The following AGPAT1 variants were observed in gnomAD, a reference collection of about 807,000 sequenced individuals.
AGPAT1 encodes 1-acyl-sn-glycerol-3-phosphate acyltransferase alpha.
AGPAT1 carries 6 observed loss-of-function variants against 31.2 expected under a neutral mutation model. The observed-to-expected ratio is 0.19, with a 90% CI of 0.11 to 0.38. AGPAT1 has a LOEUF of 0.38. Among genes scored for constraint, AGPAT1 ranks in the 10% least tolerant of loss-of-function variants. The pLI, the probability that AGPAT1 is intolerant of heterozygous loss-of-function variation, is 1.00. For synonymous variants in AGPAT1, 139 were observed against 154.0 expected, an observed-to-expected ratio of 0.90 and a Z score of 0.72; for missense variants, 187 against 377.8, an observed-to-expected ratio of 0.49 and a Z score of 4.19.
Position 32,170,934 on chromosome 6 carries a change from C to T in AGPAT1, c.334+3G>A, listed in dbSNP as rs753729125. The T allele has an allele frequency of 6.2e-7, 1 of 1,609,672 alleles. No individual in the cohort carries two copies. Among genetic ancestry groups the T allele is most frequent in the Non-Finnish European group, 8.5e-7 (1 of 1,177,876 alleles). ...GGAGGTGTGCCCTGTGGTGGGGTCTCACCAAGCAGATCGAGAGAGCTCTGG... is the reference window on the plus strand; with the variant it reads ...GGAGGTGTGCCCTGTGGTGGGGTCTTACCAAGCAGATCGAGAGAGCTCTGG... On this transcript the variant is annotated splice_donor_region_variant and intron_variant, in intron 3 of 6. Coordinates refer to ENST00000375107, the MANE Select transcript of AGPAT1 (RefSeq NM_006411.4). This position sits in a 1 kb window ranked among gnomAD's most constrained non-coding sequence, Gnocchi z 7.7.
Position 32,174,234 on chromosome 6 carries a change from T to C in AGPAT1, c.-10+1580A>G, listed in dbSNP as rs1785337033. Among the ~76,000 whole-genome samples the C allele has an allele frequency of 6.6e-6, 1 of 152,200 alleles. No individual in the cohort carries two copies. Among genetic ancestry groups the C allele is most frequent in the African/African-American group, 2.4e-5 (1 of 41,452 alleles). On this transcript the variant is annotated intron_variant, in intron 1 of 6. Transcript: ENST00000375107. The surrounding 1 kb of genome is among the most constrained non-coding windows in gnomAD (Gnocchi z 4.5). ...TTGCTGAACAGATTCTAAGGCTGTA[T>C]ACCCACCCATAGAGCCACAGTTAAT...
At position 32,169,216 on chromosome 6, in the gene AGPAT1, G is replaced by A; in HGVS notation, c.*60C>T. 5.1e-6 allele frequency: 8 copies of A among 1,569,438 alleles called. No individual in the cohort carries two copies. The highest frequency in any genetic ancestry group is 7.0e-6 in the Non-Finnish European group (8 of 1,147,816). ...GTTTGGCCCTGCTTCAGGGCCCACT[G>A]GGTGGGTAGGTGTGGGGAGGAAGAT... On this transcript the variant is annotated 3_prime_UTR_variant, in exon 7 of 7. Coordinates refer to ENST00000375107, the MANE Select transcript of AGPAT1 (RefSeq NM_006411.4). The surrounding 1 kb of genome is among the most constrained non-coding windows in gnomAD (Gnocchi z 5.9).
In AGPAT1 at chr6:32,169,160, A is replaced by G. The variant is rs1157041822; in HGVS notation, c.*116T>C. On this transcript the variant is annotated 3_prime_UTR_variant, in exon 7 of 7. Transcript: ENST00000375107. The surrounding 1 kb of genome is among the most constrained non-coding windows in gnomAD (Gnocchi z 5.9). ...GAAGTTGAAGATTCCAAAGAGGAGA[A>G]TAAGTGGGGAGAGGGGAGACAAGGA... The G allele has an allele frequency of 1.3e-5, 14 of 1,111,808 alleles. No individual in the cohort carries two copies. The East Asian group carries it at 2.5e-4, about 19-fold the overall frequency. 68.9% of individuals were successfully genotyped at this position (1,111,808 alleles called of 1,614,324 possible).
rs749150815 is a variant in AGPAT1, at chr6:32,170,059, G to A, written c.607-21C>T. 5 of 1,612,592 alleles carry A rather than the reference G, an allele frequency of 3.1e-6. No individual in the cohort carries two copies. In the African/African-American group the frequency reaches 5.3e-5, roughly 17 times the overall value. On this transcript the variant is annotated intron_variant, in intron 5 of 6. Coordinates refer to ENST00000375107, the MANE Select transcript of AGPAT1 (RefSeq NM_006411.4). The surrounding 1 kb of genome is among the most constrained non-coding windows in gnomAD (Gnocchi z 7.7). ...GGAACCTGGGGAAGGGTTAAAGCAGGTCAGTCCACAGCTCTCTTCAGAGAC... is the reference window on the plus strand; with the variant it reads ...GGAACCTGGGGAAGGGTTAAAGCAGATCAGTCCACAGCTCTCTTCAGAGAC...
rs1394807216 is a variant in AGPAT1, at chr6:32,173,749, G to A, written c.-10+2065C>T. ...CTCACACAGCTCAGTGTCACCTTTT[G>A]GAGGGCTGCCTGAACCCCTCCAGGC... On this transcript the variant is annotated intron_variant, in intron 1 of 6. Coordinates refer to ENST00000375107, the MANE Select transcript of AGPAT1 (RefSeq NM_006411.4). This position sits in a 1 kb window ranked among gnomAD's most constrained non-coding sequence, Gnocchi z 4.7. Among the ~76,000 whole-genome samples, 2 of 152,090 alleles carry A rather than the reference G, an allele frequency of 1.3e-5. No individual in the cohort carries two copies. Among genetic ancestry groups the A allele is most frequent in the African/African-American group, 4.8e-5 (2 of 41,418 alleles).
chr6:32,176,554 G>GACTCCATCTC (rs941676609), upstream of AGPAT1: 5 of 986,122 alleles, frequency 5.1e-6, no homozygotes, highest in Non-Finnish European at 6.0e-6. Flanking sequence ...TTCTCTCCAG[G>GACTCCATCTC]ACTCCATCTC....
Position 32,171,146 on chromosome 6 carries a change from T to A in AGPAT1, c.201-76A>T. On this transcript the variant is annotated intron_variant, in intron 2 of 6. Transcript: ENST00000375107. This position sits in a 1 kb window ranked among gnomAD's most constrained non-coding sequence, Gnocchi z 6.9. ...CATGCCTCAGCTCCCCCCACCTTAC[T>A]GTCTTTCTGACCACCTTTGCAGTCC... 6.3e-7 allele frequency: 1 copy of A among 1,588,966 alleles called. No homozygotes were observed. Among genetic ancestry groups the A allele is most frequent in the Non-Finnish European group, 8.6e-7 (1 of 1,164,754 alleles).
At chr6:32,176,088 C>G (rs964880937), upstream of AGPAT1, 1 of 979,270 alleles carries the variant, frequency 1.0e-6, no homozygotes, top group Non-Finnish European at 1.2e-6. Context: ...CGCCGCTATT[C>G]CCCCGCCACC....
upstream of AGPAT1, chr6:32,177,462 A>T (rs980268145): frequency 5.1e-6 from 1 of 196,786 alleles, no homozygotes. Context: ...TTTAAAACGG[A>T]GTTGAAGTCA....
rs1460736526 is a variant in AGPAT1, at chr6:32,176,012, GGGC to G, written c.-211_-209del. 1 of 985,174 alleles carries G rather than the reference GGGC, an allele frequency of 1.0e-6. No homozygotes were observed. The highest frequency in any genetic ancestry group is 1.1e-4 in the East Asian group (1 of 8,760). 61.0% of individuals were successfully genotyped at this position (985,174 alleles called of 1,614,324 possible). A position where few individuals can be genotyped will look rare whatever the true frequency, so the allele number is the denominator to read the frequency against. The stretch of plus-strand genomic sequence containing the variant: ...GGCCCATAGCGGTAGGAATGGTGGG[GGGC>G]TGTCCCCCCAGCACCCTCCCTCCCT... On this transcript the variant is annotated 5_prime_UTR_variant, in exon 1 of 7. Coordinates refer to ENST00000375107, the MANE Select transcript of AGPAT1 (RefSeq NM_006411.4).
Position 32,169,508 on chromosome 6 carries a change from C to A in AGPAT1, c.680-60G>T, listed in dbSNP as rs903121819. On this transcript the variant is annotated intron_variant, in intron 6 of 6. Transcript: ENST00000375107. The surrounding 1 kb of genome is among the most constrained non-coding windows in gnomAD (Gnocchi z 5.9). ...CCCAGGTCTTTGCCCACAGGTGGGGCCCAGCTTCCGAGTGATACTCTTCCT... is the reference window on the plus strand; with the variant it reads ...CCCAGGTCTTTGCCCACAGGTGGGGACCAGCTTCCGAGTGATACTCTTCCT... 1.5e-5 allele frequency: 23 copies of A among 1,581,236 alleles called. No homozygotes were observed. The highest frequency in any genetic ancestry group is 2.0e-5 in the Non-Finnish European group (23 of 1,158,564).
Position 32,174,011 on chromosome 6 carries a change from T to G in AGPAT1, c.-10+1803A>C, listed in dbSNP as rs558260086. 6.6e-6 allele frequency among the ~76,000 whole-genome samples: 1 copy of G among 152,288 alleles called. No homozygotes were observed. Among genetic ancestry groups the G allele is most frequent in the African/African-American group, 2.4e-5 (1 of 41,564 alleles). ...ACAGGTGTGAGCCATCGTGGCTGGC[T>G]AGCAATCTGTATTTCAACAAGCCCT... On this transcript the variant is annotated intron_variant, in intron 1 of 6. Transcript: ENST00000375107. This position sits in a 1 kb window ranked among gnomAD's most constrained non-coding sequence, Gnocchi z 4.5.
chr6:32,176,800 C>T (rs1054929385), upstream of AGPAT1: 55 of 385,506 alleles, frequency 1.4e-4, no homozygotes, highest in Non-Finnish European at 2.2e-4. Flanking sequence ...AACCCCTTCT[C>T]ACAACATACA....
Position 32,171,075 on chromosome 6 carries a change from G to A in AGPAT1, c.201-5C>T. 15 of 1,609,988 alleles carry A rather than the reference G, an allele frequency of 9.3e-6. No homozygotes were observed. Among genetic ancestry groups the A allele is most frequent in the Non-Finnish European group, 1.1e-5 (13 of 1,177,780 alleles). ...AGCAGCATTAGACGCAAGATCCTGTGGGGTCATGGCAAGGGGTCCCAGTGG... is the reference window on the plus strand; with the variant it reads ...AGCAGCATTAGACGCAAGATCCTGTAGGGTCATGGCAAGGGGTCCCAGTGG... On this transcript the variant is annotated splice_region_variant and splice_polypyrimidine_tract_variant and intron_variant, in intron 2 of 6. Coordinates refer to ENST00000375107, the MANE Select transcript of AGPAT1 (RefSeq NM_006411.4). This position sits in a 1 kb window ranked among gnomAD's most constrained non-coding sequence, Gnocchi z 6.9.
Position 32,171,359 on chromosome 6 carries a change from G to A in AGPAT1, c.138C>T (p.Leu46=). 6.2e-7 allele frequency: 1 copy of A among 1,613,200 alleles called. No homozygotes were observed. The highest frequency in any genetic ancestry group is 2.2e-5 in the East Asian group (1 of 44,882). Residue 46 remains leucine (L), a synonymous_variant, in exon 2 of 7, where the codon CTC becomes CTT. Coordinates refer to ENST00000375107, the MANE Select transcript of AGPAT1 (RefSeq NM_006411.4). This position sits in a 1 kb window ranked among gnomAD's most constrained non-coding sequence, Gnocchi z 6.9. ...CAGGGATGGCGAGCACAGCCAGGAAGAGGATCCAGCCATTGTAGAAGGCCA... is the reference window on the plus strand; with the variant it reads ...CAGGGATGGCGAGCACAGCCAGGAAAAGGATCCAGCCATTGTAGAAGGCCA... The part of the protein sequence containing the change: ...FKMAFYNGWI[L]FLAVLAIPVC...
Position 32,170,040 on chromosome 6 carries a change from T to TG in AGPAT1, c.607-3dup. On this transcript the variant is annotated splice_polypyrimidine_tract_variant and splice_region_variant and intron_variant, in intron 5 of 6. Coordinates refer to ENST00000375107, the MANE Select transcript of AGPAT1 (RefSeq NM_006411.4). This position sits in a 1 kb window ranked among gnomAD's most constrained non-coding sequence, Gnocchi z 7.7. ...CATGACTATGGGGACAATGGGAACC[T>TG]GGGGAAGGGTTAAAGCAGGTCAGTC... 1 of 1,613,906 alleles carries TG rather than the reference T, an allele frequency of 6.2e-7. No homozygotes were observed. Among genetic ancestry groups the TG allele is most frequent in the Non-Finnish European group, 8.5e-7 (1 of 1,179,864 alleles).
rs2127419073 is a variant in AGPAT1 at position 32,173,299 on chromosome 6, G to C, written c.-9-1794C>G. ...CATGATGGGAAGGGCTATGCTCAAA[G>C]GTAAGCCTATTGCCAAGCGAGAAGG... On this transcript the variant is annotated intron_variant, in intron 1 of 6. Transcript: ENST00000375107. The surrounding 1 kb of genome is among the most constrained non-coding windows in gnomAD (Gnocchi z 4.7). 6.6e-6 allele frequency among the ~76,000 whole-genome samples: 1 copy of C among 152,326 alleles called. No individual in the cohort carries two copies. The highest frequency in any genetic ancestry group is 2.1e-4 in the South Asian group (1 of 4,826).
chr6:32,169,266 G>A lies in AGPAT1; in HGVS notation c.*10C>T, dbSNP rs1234746355. 2 of 1,612,102 alleles carry A rather than the reference G, an allele frequency of 1.2e-6. No homozygotes were observed. The highest frequency in any genetic ancestry group is 1.7e-6 in the Non-Finnish European group (2 of 1,179,446). On this transcript the variant is annotated 3_prime_UTR_variant, in exon 7 of 7. Coordinates refer to ENST00000375107, the MANE Select transcript of AGPAT1 (RefSeq NM_006411.4). The surrounding 1 kb of genome is among the most constrained non-coding windows in gnomAD (Gnocchi z 5.9). ...TGGGGACAGATGGGAGGAGAGCTCA[G>A]AGCCAGGGTTCACCCACCGCCCCCA...
Position 32,170,753 on chromosome 6 carries a change from C to T in AGPAT1, c.335-153G>A. 1 of 1,261,004 alleles carries T rather than the reference C, an allele frequency of 7.9e-7. No homozygotes were observed. The highest frequency in any genetic ancestry group is 1.1e-6 in the Non-Finnish European group (1 of 884,376). The allele number at this position is 1,261,004 out of a possible 1,614,324, so 78.1% of individuals were successfully genotyped here. Reference sequence around the variant, plus strand: ...GGGCCCCAAGTGAAGGAAAGGGTGACCAAAAGTATATGTAACCTGCTTATG... The same window carrying T: ...GGGCCCCAAGTGAAGGAAAGGGTGATCAAAAGTATATGTAACCTGCTTATG... On this transcript the variant is annotated intron_variant, in intron 3 of 6. Transcript: ENST00000375107. This position sits in a 1 kb window ranked among gnomAD's most constrained non-coding sequence, Gnocchi z 7.7.
Sources: allele counts gnomAD v4.1 joint callset (sites outside exome capture counted in the v4.1 genomes callset), GRCh38; gene constraint gnomAD v4.1.1; non-coding constraint Gnocchi (gnomAD v3.1); transcripts MANE v1.5; gene names NCBI Gene and HGNC (gene_info 2026-07-23, HGNC 2026-07-21).